Variants in ADD2 observed in about 807,000 individuals in gnomAD.
The protein encoded by ADD2 is beta-adducin.
A neutral mutation model predicts 83.0 loss-of-function variants in ADD2; 23 were observed. The ratio of observed to expected loss-of-function variants is 0.28; its 90% CI spans 0.20 to 0.39. The LOEUF (loss-of-function observed/expected upper bound fraction) is 0.39, where lower values mean the gene tolerates loss of function less well. Among genes scored for constraint, ADD2 ranks in the 10% least tolerant of loss-of-function variants. The probability of loss-of-function intolerance (pLI) is 1.00; values close to 1 mark genes in which losing one functional copy is unlikely to be tolerated. For missense variants in ADD2, 758 were observed against 944.9 expected (o/e 0.80, Z 2.59); for synonymous variants, 375 against 375.4 (o/e 1.00, Z 0.01).
At chr2:70,689,009 G>A (rs993378057) in intron 8 of ADD2, among the ~76,000 whole-genome samples, 3 of 152,180 alleles carry the variant, frequency 2.0e-5, no homozygotes, top group East Asian at 3.9e-4. Context: ...GGAGGGTGAG[G>A]TGGGAGGATC....
chr2:70,695,831 A>G, intron 5 of ADD2, 30 bp from the exon 6 acceptor site: 1 of 1,593,466 alleles, frequency 6.3e-7, no homozygotes, highest in Middle Eastern at 1.7e-4. Context: ...TCTCAGGGGC[A>G]AGGAGGGAGA....
intron 1 of ADD2, among the ~76,000 whole-genome samples, chr2:70,720,392 C>CA (rs1672677153): frequency 8.1e-6 from 1 of 124,002 alleles, no homozygotes; most frequent in Non-Finnish European, 1.7e-5. Context: ...GGAGACATCT[C>CA]AAAAGCTGAG....
chr2:70,678,753 A>G lies in ADD2; in HGVS notation c.1334T>C (p.Val445Ala). The part of the protein sequence containing the change: ...NTPNTYLRVN[V>A]ADEVQRSMGS... ...CATGCTCCTCTGGACCTCATCGGCCACATTGACCCGCAGGTAGGTGTTGGG... is the reference window on the plus strand; with the variant it reads ...CATGCTCCTCTGGACCTCATCGGCCGCATTGACCCGCAGGTAGGTGTTGGG... The change falls in exon 11 of 16, where the codon GTG (valine) becomes GCG (alanine). Residue 445 changes from valine to alanine, a missense_variant. By Grantham distance (64) the Val-to-Ala change is moderately conservative (BLOSUM62 0). This residue lies in a region of ADD2 where 394 missense variants were observed against 509.3 expected (regional missense o/e 0.77). Coordinates refer to ENST00000264436, the MANE Select transcript of ADD2 (RefSeq NM_001617.4). The G allele has an allele frequency of 6.2e-7, 1 of 1,606,736 alleles. No individual in the cohort carries two copies. Among genetic ancestry groups the G allele is most frequent in the Non-Finnish European group, 8.5e-7 (1 of 1,175,892 alleles).
At chr2:70,762,851 G>A (rs1348191161) in intron 1 of ADD2, among the ~76,000 whole-genome samples, 2 of 151,094 alleles carry the variant, frequency 1.3e-5, no homozygotes, top group East Asian at 1.9e-4. Flanking sequence ...GATTAGAGGC[G>A]CCCACCACCA....
chr2:70,750,146 T>C (rs534531224), intron 1 of ADD2, among the ~76,000 whole-genome samples: 1 of 152,326 alleles, frequency 6.6e-6, no homozygotes, highest in Non-Finnish European at 1.5e-5. Flanking sequence ...TATTTCATGT[T>C]ACATCTCTTG....
intron 4 of ADD2, among the ~76,000 whole-genome samples, chr2:70,697,896 A>C (rs1671391230): frequency 6.6e-6 from 1 of 152,238 alleles, no homozygotes. Context: ...CTTGCCAACC[A>C]GAGGTGATAC....
chr2:70,696,548 G>A (rs1671324557), intron 4 of ADD2, 152 bp from the exon 5 acceptor site: 3 of 1,024,950 alleles, frequency 2.9e-6, no homozygotes, highest in Non-Finnish European at 4.3e-6. Flanking sequence ...ACCTGGGGCA[G>A]GAGTCCACAG....
intron 15 of ADD2, among the ~76,000 whole-genome samples, chr2:70,665,810 G>GTTTTTTTTT (rs879978891): frequency 2.2e-5 from 3 of 135,820 alleles, no homozygotes; most frequent in African/African-American, 5.9e-5. Flanking sequence ...GATCACACTT[G>GTTTTTTTTT]TTTTTTTGTT....
intron 1 of ADD2, among the ~76,000 whole-genome samples, chr2:70,728,722 CT>C (rs1673135895): frequency 6.6e-6 from 1 of 152,218 alleles, no homozygotes; most frequent in Non-Finnish European, 1.5e-5. Context: ...ACGTCTGTAC[CT>C]TTGGGTCTGG....
intron 13 of ADD2, chr2:70,675,974 G>C (rs1470397928): frequency 2.0e-6 from 2 of 985,422 alleles, no homozygotes; most frequent in Non-Finnish European, 2.4e-6. Flanking sequence ...GTTGGGGTTG[G>C]GGGGAGGTAA....
intron 15 of ADD2, among the ~76,000 whole-genome samples, chr2:70,669,177 T>C (rs1295464317): frequency 1.3e-5 from 2 of 152,176 alleles, no homozygotes; most frequent in Non-Finnish European, 2.9e-5. Context: ...TGGCCGACCA[T>C]TGAGCTGGAT....
At chr2:70,690,727 G>A in intron 8 of ADD2, 59 bp downstream of exon 8, 1 of 1,548,888 alleles carries the variant, frequency 6.5e-7, no homozygotes. Context: ...TGTCACTTTT[G>A]TGATGTTGGC....
Position 70,676,725 on chromosome 2 carries a change from C to A in ADD2, c.1593+71G>T. 6.2e-7 allele frequency: 1 copy of A among 1,603,892 alleles called. No homozygotes were observed. The highest frequency in any genetic ancestry group is 2.2e-5 in the East Asian group (1 of 44,522). ...TATGAGGACTCAGGGGTCCTGCAAC[C>A]CAGCCCCAGGCACAGAAGACCCCGA... On this transcript the variant is annotated intron_variant, in intron 13 of 15. Coordinates refer to ENST00000264436, the MANE Select transcript of ADD2 (RefSeq NM_001617.4). The surrounding 1 kb of genome is among the most constrained non-coding windows in gnomAD (Gnocchi z 4.8).
rs533280190 is a variant in ADD2, at chr2:70,678,512, A to G, written c.1383+192T>C. ...TCCTTAGACCCAAAAACTCAGGCAG[A>G]GGTGCAAGGAAGAAGTGGTCAGGGG... On this transcript the variant is annotated intron_variant, in intron 11 of 15. Transcript: ENST00000264436. 2.0e-5 allele frequency among the ~76,000 whole-genome samples: 3 copies of G among 152,350 alleles called. No homozygotes were observed. The East Asian group carries it at 5.8e-4, about 29-fold the overall frequency.
chr2:70,707,942 C>T (rs1416245968), intron 2 of ADD2, among the ~76,000 whole-genome samples: 2 of 152,208 alleles, frequency 1.3e-5, no homozygotes, highest in Non-Finnish European at 2.9e-5. Context: ...TCCCTCCGGC[C>T]TTGCTCCAGC....
chr2:70,726,902 A>T (rs967165245), intron 1 of ADD2, among the ~76,000 whole-genome samples: 6 of 152,216 alleles, frequency 3.9e-5, no homozygotes, highest in Admixed American at 6.5e-5. Flanking sequence ...CTTAGCCTAC[A>T]TTCTCACTGG....
At chr2:70,701,763 G>C (rs1295649793) in intron 4 of ADD2, among the ~76,000 whole-genome samples, 16 of 151,958 alleles carry the variant, frequency 1.1e-4, no homozygotes, top group Admixed American at 1.0e-3. Flanking sequence ...AAATAGAATG[G>C]ATAAAGATTC....
At chr2:70,722,227 C>A (rs1433321583) in intron 1 of ADD2, among the ~76,000 whole-genome samples, 4 of 152,046 alleles carry the variant, frequency 2.6e-5, no homozygotes, top group Non-Finnish European at 5.9e-5. Flanking sequence ...AAAAATAAAA[C>A]GAGCATTGGC....
At chr2:70,704,263 T>TGCCCCCCCCCCCCCCCCCCCAC in intron 4 of ADD2, 58 bp downstream of exon 4, 2 of 913,238 alleles carry the variant, frequency 2.2e-6, no homozygotes, top group Non-Finnish European at 3.4e-6. Context: ...CTCCCTCTCT[T>TGCCCCCCCCCCCCCCCCCCCAC]CCCCACCCCA....
Sources: gnomAD v4.1 joint callset for allele counts (sites outside exome capture counted in the v4.1 genomes callset) on GRCh38, gnomAD v4.1.1 for gene constraint, gnomAD v4.1.1 regional missense constraint, Gnocchi (gnomAD v3.1) non-coding constraint, MANE v1.5 for transcripts, NCBI Gene and HGNC (gene_info 2026-07-23, HGNC 2026-07-21) for gene names.